Variants in CEP63 observed in about 807,000 individuals in gnomAD.
CEP63 encodes centrosomal protein 63.
CEP63 carries 84 observed loss-of-function variants against 89.1 expected under a neutral mutation model. The observed-to-expected ratio is 0.94, with a 90% confidence interval of 0.79 to 1.13. The LOEUF (loss-of-function observed/expected upper bound fraction) is 1.13. Ranked by LOEUF, CEP63 falls within the 50% of genes most tolerant of loss-of-function variation. The pLI is 0.00. For missense variants in CEP63, 838 were observed against 813.3 expected (o/e 1.03, Z -0.37); for synonymous variants, 267 against 272.5 (o/e 0.98, Z 0.20).
chr3:134,697,729 C>T, the CEP63 span, among the ~76,000 whole-genome samples: 8 of 152,226 alleles, frequency 5.3e-5, no homozygotes, highest in African/African-American at 1.7e-4. Context: ...CTGATTCCCA[C>T]GTTCGTGTCA....
chr3:134,690,234 T>G, the CEP63 span, among the ~76,000 whole-genome samples: 1 of 152,154 alleles, frequency 6.6e-6, no homozygotes, highest in African/African-American at 2.4e-5. Flanking sequence ...TAAAACATAG[T>G]AAAAATAAAT....
chr3:134,747,140 T>A, the CEP63 span, among the ~76,000 whole-genome samples: 1 of 152,218 alleles, frequency 6.6e-6, no homozygotes, highest in East Asian at 1.9e-4. Context: ...TTTCTACATA[T>A]GACTAGCCAG....
At chr3:134,604,491 A>G in the CEP63 span, 1 of 1,589,650 alleles carries the variant, frequency 6.3e-7, no homozygotes, top group Admixed American at 1.7e-5. Context: ...AGAGAAAGTC[A>G]GGGTCAGCAG....
At chr3:134,534,337 T>C (rs1950387478) in intron 5 of CEP63, among the ~76,000 whole-genome samples, 1 of 152,144 alleles carries the variant, frequency 6.6e-6, no homozygotes, top group East Asian at 1.9e-4. Flanking sequence ...ATTCCTTAGC[T>C]CTTGTCATTA....
rs1553799205 is a variant in CEP63, at chr3:134,584,956, G to GTTTTTTTTTTTTGT, written c.1207-2490_1207-2489insGTTTTTTTTTTTTT. ...ATCCATTTCTTCTAGATTTTCTAGG[G>GTTTTTTTTTTTTGT]TTTTTTTTTTTTTTTTTTGCATGGA... On this transcript the variant is annotated intron_variant, in intron 10 of 10. Coordinates refer to the CEP63 transcript ENST00000683931. 6.9e-4 allele frequency among the ~76,000 whole-genome samples: 25 copies of GTTTTTTTTTTTTGT among 36,044 alleles called. 1 individual carries two copies. The highest frequency in any genetic ancestry group is 2.0e-3 in the African/African-American group (24 of 11,762). The allele number at this position is 36,044 out of a possible 152,430, so 23.6% of individuals were successfully genotyped here. A position where few individuals can be genotyped will look rare whatever the true frequency, so the allele number is the denominator to read the frequency against.
the CEP63 span, among the ~76,000 whole-genome samples, chr3:134,672,729 C>A: frequency 6.6e-6 from 1 of 152,174 alleles, no homozygotes. Context: ...CCCTTCTGTC[C>A]TGGCTCTCTA....
chr3:134,781,944 G>C, the CEP63 span, among the ~76,000 whole-genome samples: 1 of 152,216 alleles, frequency 6.6e-6, no homozygotes, highest in Non-Finnish European at 1.5e-5. Flanking sequence ...GAAACAAGGA[G>C]AGTAGGCATC....
the CEP63 span, among the ~76,000 whole-genome samples, chr3:134,669,678 G>T: frequency 6.6e-6 from 1 of 152,142 alleles, no homozygotes; most frequent in African/African-American, 2.4e-5. Context: ...TGATGACAAA[G>T]CTCTTTAGCT....
At chr3:134,497,771 C>G (rs907582043) in intron 2 of CEP63, among the ~76,000 whole-genome samples, 5 of 151,766 alleles carry the variant, frequency 3.3e-5, no homozygotes, top group African/African-American at 1.2e-4. Flanking sequence ...AGATAGGGGT[C>G]TAGTTTCATT....
At chr3:134,579,593 G>A (rs1295063660), downstream of CEP63, among the ~76,000 whole-genome samples, 1 of 152,178 alleles carries the variant, frequency 6.6e-6, no homozygotes, top group East Asian at 1.9e-4. Context: ...TTGGTGAAAT[G>A]TACATTCAAA....
In CEP63 at chr3:134,501,284, C is replaced by T. The variant is rs76823581; in HGVS notation, c.45-5825C>T. 3.5e-3 allele frequency among the ~76,000 whole-genome samples: 528 copies of T among 152,150 alleles called. 7 individuals are homozygous for T. Among genetic ancestry groups the T allele is most frequent in the African/African-American group, 0.012 (509 of 41,506 alleles). On this transcript the variant is annotated intron_variant, in intron 2 of 14. Transcript: ENST00000675561. ...GCAATATGATGCCTCTAGCTTTGTT[C>T]TTCTTGCATAGGGTTGCTTTGGCTA...
chr3:134,701,417 T>TATACGTATATGTGTGTGTATACACAC, the CEP63 span, among the ~76,000 whole-genome samples: 1 of 60,414 alleles, frequency 1.7e-5, no homozygotes, highest in Non-Finnish European at 2.9e-5. Context: ...TACACACATA[T>TATACGTATATGTGTGTGTATACACAC]ATATACGTAT....
the CEP63 span, among the ~76,000 whole-genome samples, chr3:134,738,766 A>C: frequency 6.6e-6 from 1 of 152,164 alleles, no homozygotes; most frequent in Admixed American, 6.5e-5. Flanking sequence ...TAACTAATGG[A>C]AAAAAAGAAT....
chr3:134,720,973 C>T, the CEP63 span, among the ~76,000 whole-genome samples: 1 of 152,040 alleles, frequency 6.6e-6, no homozygotes, highest in Admixed American at 6.6e-5. Context: ...TCTAAAATTT[C>T]CACATGAATT....
At chr3:134,689,607 A>T in the CEP63 span, among the ~76,000 whole-genome samples, 1 of 151,870 alleles carries the variant, frequency 6.6e-6, no homozygotes, top group African/African-American at 2.4e-5. Context: ...GCCTGCCACC[A>T]CGCTCAAGTA....
At chr3:134,737,830 T>C in the CEP63 span, among the ~76,000 whole-genome samples, 3 of 152,150 alleles carry the variant, frequency 2.0e-5, no homozygotes, top group African/African-American at 7.2e-5. Flanking sequence ...GTTCCTCAGT[T>C]CTCCATGTTG....
the CEP63 span, among the ~76,000 whole-genome samples, chr3:134,773,048 GC>G: frequency 1.9e-4 from 29 of 152,318 alleles, no homozygotes; most frequent in African/African-American, 7.0e-4. Context: ...CCCCTGATCT[GC>G]CAAGGGTGCC....
intron 12 of CEP63, among the ~76,000 whole-genome samples, chr3:134,554,860 T>G (rs910765133): frequency 2.6e-5 from 4 of 152,130 alleles, no homozygotes; most frequent in East Asian, 1.9e-4. Context: ...TTTCATGTGT[T>G]TTTTGGCTGC....
rs1438263513 is a variant in CEP63 at position 134,562,833 on chromosome 3, A to G, written c.*1298A>G. On this transcript the variant is annotated 3_prime_UTR_variant, in exon 15 of 15. Transcript: ENST00000675561. Reference sequence around the variant, plus strand: ...TCTACCTCATCCTCCACTCCATCTCATGGCTTTTCCTCTTCTAACCTCTAA... The same window carrying G: ...TCTACCTCATCCTCCACTCCATCTCGTGGCTTTTCCTCTTCTAACCTCTAA... 1.3e-5 allele frequency: 2 copies of G among 152,300 alleles called. No homozygotes were observed. Among genetic ancestry groups the G allele is most frequent in the Non-Finnish European group, 2.9e-5 (2 of 68,230 alleles). The allele number at this position is 152,300 out of a possible 1,614,324, so 9.4% of individuals were successfully genotyped here. A position where few individuals can be genotyped will look rare whatever the true frequency, so the allele number is the denominator to read the frequency against.
Sources: gnomAD v4.1 joint callset for allele counts (sites outside exome capture counted in the v4.1 genomes callset) on GRCh38, gnomAD v4.1.1 for gene constraint, MANE v1.5 for transcripts, NCBI Gene and HGNC (gene_info 2026-07-23, HGNC 2026-07-21) for gene names.